The following CERS6 variants were observed in gnomAD, a reference collection of about 807,000 sequenced individuals.
CERS6 encodes the protein LAG1 homolog, ceramide synthase 6.
Under a neutral mutation model 56.8 loss-of-function variants are expected in CERS6, and 26 were observed. That is an observed-to-expected ratio of 0.46 (90% confidence interval 0.34 to 0.63). The LOEUF (loss-of-function observed/expected upper bound fraction) is 0.63. CERS6 is among the 30% of genes least tolerant of loss of function. The pLI, the probability that CERS6 is intolerant of heterozygous loss-of-function variation, is 0.01. For missense variants in CERS6, 415 were observed against 467.5 expected (o/e 0.89, Z 1.04); for synonymous variants, 164 against 173.3 (o/e 0.95, Z 0.42).
chr2:168,532,257 A>T (rs1279949439), intron 1 of CERS6, among the ~76,000 whole-genome samples: 1 of 152,148 alleles, frequency 6.6e-6, no homozygotes, highest in Non-Finnish European at 1.5e-5. Context: ...GAAAATCCCA[A>T]CATGAAACAG....
intron 4 of CERS6, among the ~76,000 whole-genome samples, chr2:168,635,792 C>T (rs2105301357): frequency 6.6e-6 from 1 of 152,316 alleles, no homozygotes; most frequent in South Asian, 2.1e-4. Context: ...TTTCTGAATC[C>T]AACCTTAACT....
chr2:168,636,613 G>A (rs968842097), intron 4 of CERS6, among the ~76,000 whole-genome samples: 2 of 152,102 alleles, frequency 1.3e-5, no homozygotes, highest in South Asian at 2.1e-4. Context: ...CGTAAGACCC[G>A]TTGTCCTGGC....
chr2:168,512,554 G>A (rs2105351282), intron 1 of CERS6, among the ~76,000 whole-genome samples: 1 of 151,784 alleles, frequency 6.6e-6, no homozygotes, highest in African/African-American at 2.4e-5. Flanking sequence ...ATGTTTTAAT[G>A]TATTCTGATT....
At chr2:168,639,476 A>G (rs976796013) in intron 4 of CERS6, among the ~76,000 whole-genome samples, 3 of 152,232 alleles carry the variant, frequency 2.0e-5, no homozygotes, top group Non-Finnish European at 2.9e-5. Flanking sequence ...TTTTTCTAAA[A>G]TCTGAAAGCT....
At chr2:168,581,927 G>A (rs1030509985) in intron 3 of CERS6, among the ~76,000 whole-genome samples, 3 of 152,158 alleles carry the variant, frequency 2.0e-5, no homozygotes, top group Non-Finnish European at 1.5e-5. Flanking sequence ...CGGCATGGAC[G>A]ATACCCCAGC....
At chr2:168,658,906 C>T (rs1434401147) in intron 4 of CERS6, among the ~76,000 whole-genome samples, 1 of 152,176 alleles carries the variant, frequency 6.6e-6, no homozygotes, top group African/African-American at 2.4e-5. Flanking sequence ...TTACATTTGG[C>T]ATGGTGCCAT....
chr2:168,762,402 C>T (rs974966714), intron 8 of CERS6, among the ~76,000 whole-genome samples: 7 of 152,062 alleles, frequency 4.6e-5, no homozygotes, highest in African/African-American at 9.7e-5. Flanking sequence ...ACTGGCTTTC[C>T]GTGGTTTTCC....
intron 8 of CERS6, among the ~76,000 whole-genome samples, chr2:168,732,192 T>A (rs557085038): frequency 1.8e-4 from 27 of 152,218 alleles, no homozygotes; most frequent in African/African-American, 6.5e-4. Flanking sequence ...TTAAATTCCC[T>A]ACTCTCAGTA....
intron 1 of CERS6, among the ~76,000 whole-genome samples, chr2:168,492,171 T>C (rs966692352): frequency 5.3e-5 from 8 of 152,192 alleles, no homozygotes; most frequent in Admixed American, 2.6e-4. Context: ...TATTTCTAGT[T>C]CTAGATCCTT....
intron 3 of CERS6, among the ~76,000 whole-genome samples, chr2:168,596,988 C>T (rs1574089499): frequency 6.6e-6 from 1 of 152,164 alleles, no homozygotes; most frequent in East Asian, 1.9e-4. Flanking sequence ...AAATACAATA[C>T]TGTGTTCATG....
At chr2:168,558,170 A>G (rs1480518940) in intron 2 of CERS6, among the ~76,000 whole-genome samples, 1 of 152,216 alleles carries the variant, frequency 6.6e-6, no homozygotes, top group African/African-American at 2.4e-5. Context: ...TTGTGAGTAT[A>G]AATTGGTAAA....
At chr2:168,704,768 G>T (rs1390764202) in intron 6 of CERS6, among the ~76,000 whole-genome samples, 1 of 152,046 alleles carries the variant, frequency 6.6e-6, no homozygotes, top group African/African-American at 2.4e-5. Context: ...CACCACACCC[G>T]GCTAATTTTT....
chr2:168,605,388 A>G (rs57251649), intron 3 of CERS6, among the ~76,000 whole-genome samples: 7,671 of 152,246 alleles, frequency 0.05, 590 homozygotes, highest in African/African-American at 0.16. Flanking sequence ...ATGATATCCA[A>G]TTGGAACTTA....
intron 4 of CERS6, among the ~76,000 whole-genome samples, chr2:168,631,535 TTAAA>T (rs1445433559): frequency 1.7e-5 from 2 of 118,870 alleles, no homozygotes; most frequent in African/African-American, 6.6e-5. Flanking sequence ...TAAATACATA[TTAAA>T]TATATTATAT....
At chr2:168,545,122 AACAC>A (rs954354162) in intron 1 of CERS6, among the ~76,000 whole-genome samples, 31 of 152,150 alleles carry the variant, frequency 2.0e-4, no homozygotes, top group African/African-American at 7.2e-4. Flanking sequence ...TATTTGTAGA[AACAC>A]ACACATGTAT....
chr2:168,664,731 T>C (rs765559456), intron 4 of CERS6, among the ~76,000 whole-genome samples: 6 of 152,152 alleles, frequency 3.9e-5, no homozygotes, highest in Non-Finnish European at 8.8e-5. Flanking sequence ...CCATTTTGGC[T>C]TTGGTGGGTT....
intron 3 of CERS6, among the ~76,000 whole-genome samples, chr2:168,569,710 TG>T (rs1329848542): frequency 6.6e-6 from 1 of 152,080 alleles, no homozygotes; most frequent in Non-Finnish European, 1.5e-5. Context: ...GCAGGACCAG[TG>T]GGTCAGTATG....
At chr2:168,517,622 C>A (rs116477298) in intron 1 of CERS6, among the ~76,000 whole-genome samples, 2,390 of 151,902 alleles carry the variant, frequency 0.016, 40 homozygotes, top group African/African-American at 0.055. Flanking sequence ...CTATTGAAGC[C>A]TTTAATGCCT....
chr2:168,727,743 C>A (rs1683390951), intron 8 of CERS6, among the ~76,000 whole-genome samples: 1 of 152,172 alleles, frequency 6.6e-6, no homozygotes, highest in African/African-American at 2.4e-5. Flanking sequence ...TAGTCTCAGA[C>A]TTCACACATT....
Sources: gnomAD v4.1 joint callset for allele counts (sites outside exome capture counted in the v4.1 genomes callset) on GRCh38, gnomAD v4.1.1 for gene constraint, MANE v1.5 for transcripts, NCBI Gene and HGNC (gene_info 2026-07-23, HGNC 2026-07-21) for gene names.